Variants in CDAN1 observed in about 807,000 individuals in gnomAD.
CDAN1 encodes codanin 1.
In CDAN1, 107 loss-of-function variants were observed where a neutral mutation model predicts 139.8. The ratio of observed to expected loss-of-function variants is 0.77; its 90% CI spans 0.65 to 0.90. The LOEUF (loss-of-function observed/expected upper bound fraction) is 0.90, where lower values mean the gene tolerates loss of function less well. Ranked by LOEUF, CDAN1 falls within the 40% of genes least tolerant of loss-of-function variation. The pLI is 0.00. For synonymous variants in CDAN1, 776 were observed against 660.6 expected, an observed-to-expected ratio of 1.17 and a Z score of -2.68; for missense variants, 1,667 against 1,575.7, an observed-to-expected ratio of 1.06 and a Z score of -0.98.
Position 42,725,404 on chromosome 15 carries a change from G to A in CDAN1, c.3450+85C>T, listed in dbSNP as rs2061511134. 3 of 1,547,420 alleles carry A rather than the reference G, an allele frequency of 1.9e-6. 1 individual carries two copies. The South Asian group carries it at 3.4e-5, about 17-fold the overall frequency. On this transcript the variant is annotated intron_variant, in intron 26 of 27. Coordinates refer to ENST00000356231, the MANE Select transcript of CDAN1 (RefSeq NM_138477.4). ...TGTGGAACAGGAAGGGGAAATAAAG[G>A]ATGCAGAGCAGCTCATAGTTTGGGG...
At chr15:42,731,557 T>C in intron 11 of CDAN1, 63 bp downstream of exon 11, 1 of 1,570,112 alleles carries the variant, frequency 6.4e-7, no homozygotes, top group Non-Finnish European at 8.8e-7. Flanking sequence ...CTATTTACCC[T>C]TTTGGGAAGC....
rs2061590005 is a variant in CDAN1 at position 42,730,183 on chromosome 15, T to A, written c.2207A>T (p.Lys736Met). The A allele has an allele frequency of 6.2e-7, 1 of 1,614,034 alleles. No homozygotes were observed. The highest frequency in any genetic ancestry group is 8.5e-7 in the Non-Finnish European group (1 of 1,180,032). The change falls in exon 15 of 28, where the codon AAG becomes ATG. Residue 736 changes from lysine to methionine, a missense_variant. By Grantham distance (95) the Lys-to-Met change is moderately conservative (BLOSUM62 -1). Around this residue, in one of 3 missense-constraint regions of CDAN1, gnomAD observed 936 missense variants for 844.1 expected, o/e 1.11. Coordinates refer to ENST00000356231, the MANE Select transcript of CDAN1 (RefSeq NM_138477.4). Reference protein sequence around the residue: ...SLVLSQESEGKMCFLNKLLLL... With the variant: ...SLVLSQESEGMMCFLNKLLLL... ...CAGCAGCTTGTTCAGGAAACACATCTTCCCCTCACTCTCCTGCGACAACAC... is the reference window on the plus strand; with the variant it reads ...CAGCAGCTTGTTCAGGAAACACATCATCCCCTCACTCTCCTGCGACAACAC...
rs568195098 is a variant in CDAN1, at chr15:42,733,006, G to C, written c.1457+91C>G. ...AACAGCTAATGGCTGGTAGGAGCGGGGAAAACCTTCCCTCCTCCTCCCTCC... is the reference window on the plus strand; with the variant it reads ...AACAGCTAATGGCTGGTAGGAGCGGCGAAAACCTTCCCTCCTCCTCCCTCC... On this transcript the variant is annotated intron_variant, in intron 9 of 27. Transcript: ENST00000356231. The C allele has an allele frequency of 1.3e-3, 1,320 of 1,022,330 alleles. 2 individuals are homozygous for C. The highest frequency in any genetic ancestry group is 1.7e-3 in the Non-Finnish European group (1,136 of 676,242). The allele number at this position is 1,022,330 out of a possible 1,614,324, so 63.3% of individuals were successfully genotyped here.
At chr15:42,727,339 C>T (rs2061542113) in intron 23 of CDAN1, 2 of 381,840 alleles carry the variant, frequency 5.2e-6, no homozygotes, top group African/African-American at 2.1e-5. Context: ...TTCACCACCG[C>T]ACTCTCATCA....
At chr15:42,726,560 A>T in intron 23 of CDAN1, 143 bp from the exon 24 acceptor site, 1 of 664,694 alleles carries the variant, frequency 1.5e-6, no homozygotes, top group South Asian at 1.7e-5. Context: ...TTGCCCCTAG[A>T]CCTGGGACTT....
In CDAN1 at chr15:42,730,403, G is replaced by C. The variant is rs185398959; in HGVS notation, c.2175-188C>G. Among the ~76,000 whole-genome samples the C allele has an allele frequency of 2.9e-3, 448 of 152,344 alleles. 1 individual carries two copies. The highest frequency in any genetic ancestry group is 4.1e-3 in the South Asian group (20 of 4,828). On this transcript the variant is annotated intron_variant, in intron 14 of 27. Transcript: ENST00000356231. Reference sequence around the variant, plus strand: ...TCTCAGCGGGGCCACCTCAGGAACAGCATGAGGCCAATGAAAGTGCAGATG... The same window carrying C: ...TCTCAGCGGGGCCACCTCAGGAACACCATGAGGCCAATGAAAGTGCAGATG...
rs752878588 is a variant in CDAN1 at position 42,735,325 on chromosome 15, G to A, written c.993C>T (p.Leu331=). Residue 331 remains leucine (L), a synonymous_variant, in exon 5 of 28, where the codon CTC becomes CTT. Coordinates refer to ENST00000356231, the MANE Select transcript of CDAN1 (RefSeq NM_138477.4). The part of the protein sequence containing the change: ...LFLELFFVFQ[L]LTARRMVTAK... ...CAGTCACCATCCTCCGGGCAGTGAGGAGCTGAAAGACGAAGAAAAGCTCCA... is the reference window on the plus strand; with the variant it reads ...CAGTCACCATCCTCCGGGCAGTGAGAAGCTGAAAGACGAAGAAAAGCTCCA... 2.5e-6 allele frequency: 4 copies of A among 1,610,322 alleles called. No individual in the cohort carries two copies. The East Asian group carries it at 6.7e-5, about 27-fold the overall frequency.
chr15:42,724,702 C>T, intron 27 of CDAN1, 86 bp from the exon 28 acceptor site: 1 of 1,491,468 alleles, frequency 6.7e-7, no homozygotes, highest in Non-Finnish European at 9.1e-7. Context: ...CACAACCTGG[C>T]TGGCTATATT....
In CDAN1 at chr15:42,731,654, C is replaced by G. The variant is rs201079951; in HGVS notation, c.1705G>C (p.Gly569Arg). 6.4e-4 allele frequency: 1,039 copies of G among 1,614,046 alleles called. 1 individual carries two copies. The highest frequency in any genetic ancestry group is 7.9e-4 in the Non-Finnish European group (937 of 1,180,022). The change falls in exon 11 of 28, where the codon GGC becomes CGC. Residue 569 changes from glycine (G) to arginine (R), a missense_variant. Physicochemically the swap from Gly to Arg is moderately radical, Grantham distance 125 (BLOSUM62 -2). Coordinates refer to ENST00000356231, the MANE Select transcript of CDAN1 (RefSeq NM_138477.4). ...CTAAGGATGAAGTCCCTAAAGAAGCCTTGACAGCCTGGGAAGGTGGGGGGT... is the reference window on the plus strand; with the variant it reads ...CTAAGGATGAAGTCCCTAAAGAAGCGTTGACAGCCTGGGAAGGTGGGGGGT... ...CPPPTFPGCQ[G>R]FFRDFILSAS... is the part of the protein sequence containing the mutation.
Position 42,737,096 on chromosome 15 carries a change from C to T in CDAN1, c.7G>A (p.Ala3Thr), listed in dbSNP as rs1448534733. Residue 3 changes from alanine (A) to threonine (T), a missense_variant, in exon 1 of 28, where the codon GCC becomes ACC. Ala to Thr is a moderately conservative substitution (Grantham distance 58). Coordinates refer to ENST00000356231, the MANE Select transcript of CDAN1 (RefSeq NM_138477.4). The part of the protein sequence containing the change: MA[A>T]VLESLLREEV... ...TCTCGCAGCAGCGACTCCAAAACGG[C>T]CGCCATCCCGGTCGGGGCGCTCTGG... The T allele has an allele frequency of 1.3e-6, 2 of 1,517,060 alleles. No homozygotes were observed. The highest frequency in any genetic ancestry group is 1.4e-5 in the African/African-American group (1 of 70,398). The allele number at this position is 1,517,060 out of a possible 1,614,324, so 94.0% of individuals were successfully genotyped here. A position where few individuals can be genotyped will look rare whatever the true frequency, so the allele number is the denominator to read the frequency against.
Position 42,732,260 on chromosome 15 carries a change from A to G in CDAN1, c.1533+73T>C, listed in dbSNP as rs568257766. 163 of 1,405,148 alleles carry G rather than the reference A, an allele frequency of 1.2e-4. No homozygotes were observed. The African/African-American group carries it at 2.0e-3, about 18-fold the overall frequency. 87.0% of individuals were successfully genotyped at this position (1,405,148 alleles called of 1,614,324 possible). A position where few individuals can be genotyped will look rare whatever the true frequency, so the allele number is the denominator to read the frequency against. ...CTGCCAGGCTGTCTGCCCTATCCCAAAGTGCAGCCGTTAAGTGGCTGCCTG... is the reference window on the plus strand; with the variant it reads ...CTGCCAGGCTGTCTGCCCTATCCCAGAGTGCAGCCGTTAAGTGGCTGCCTG... On this transcript the variant is annotated intron_variant, in intron 10 of 27. Coordinates refer to ENST00000356231, the MANE Select transcript of CDAN1 (RefSeq NM_138477.4).
At chr15:42,729,002 G>A in intron 19 of CDAN1, 21 bp downstream of exon 19, 1 of 1,610,204 alleles carries the variant, frequency 6.2e-7, no homozygotes, top group Non-Finnish European at 8.5e-7. Flanking sequence ...GATGAGACCA[G>A]GATCCTTAAC....
At position 42,736,054 on chromosome 15, in the gene CDAN1, G is replaced by T; in HGVS notation, c.594C>A (p.Asn198Lys). 1 of 1,614,182 alleles carries T rather than the reference G, an allele frequency of 6.2e-7. No homozygotes were observed. Among genetic ancestry groups the T allele is most frequent in the South Asian group, 1.1e-5 (1 of 91,080 alleles). Residue 198 changes from asparagine to lysine, a missense_variant, in exon 3 of 28, where the codon AAC (asparagine) becomes AAA (lysine). By Grantham distance (94) the Asn-to-Lys change is moderately conservative. Coordinates refer to ENST00000356231, the MANE Select transcript of CDAN1 (RefSeq NM_138477.4). Reference protein sequence around the residue: ...PTGTKPSRRINPTPVSEERSL... With the variant: ...PTGTKPSRRIKPTPVSEERSL... ...ACCGCTCTTCGCTCACCGGAGTTGG[G>T]TTGATCCTGCGAGAAGGCTTCGTCC...
intron 17 of CDAN1, 58 bp downstream of exon 17, chr15:42,729,510 C>T: frequency 6.2e-7 from 1 of 1,611,468 alleles, no homozygotes; most frequent in East Asian, 2.2e-5. Flanking sequence ...AAGGGGGTGC[C>T]TTTTGGGTAC....
In CDAN1 at chr15:42,730,634, T is replaced by G. The variant is rs1329427481; in HGVS notation, c.2138A>C (p.Tyr713Ser). 2 of 1,614,156 alleles carry G rather than the reference T, an allele frequency of 1.2e-6. No homozygotes were observed. The highest frequency in any genetic ancestry group is 3.3e-5 in the Admixed American group (2 of 60,026). The change falls in exon 14 of 28, where the codon TAC becomes TCC. Residue 713 changes from tyrosine (Y) to serine (S), a missense_variant. By Grantham distance (144) the Tyr-to-Ser change is moderately radical. This residue lies in a region of CDAN1 where 936 missense variants were observed against 844.1 expected (regional missense o/e 1.11). Transcript: ENST00000356231. ...CAGCAGGAGAGTGAAGATGTCCCGGTAATATTCCAGCAAGGGAACAACATG... is the reference window on the plus strand; with the variant it reads ...CAGCAGGAGAGTGAAGATGTCCCGGGAATATTCCAGCAAGGGAACAACATG... ...ADHVVPLLEYYRDIFTLLLRL... is the reference protein window; with the variant it reads ...ADHVVPLLEYSRDIFTLLLRL...
In CDAN1 at chr15:42,729,375, A is replaced by G; in HGVS notation, c.2408-13T>C. On this transcript the variant is annotated splice_polypyrimidine_tract_variant and intron_variant, in intron 17 of 27. Transcript: ENST00000356231. ...TTCCGGAGCTCTCCTGTATCAGTGA[A>G]GTCCAAGTTCTCAGTTCCAGAACCC... 2 of 1,614,128 alleles carry G rather than the reference A, an allele frequency of 1.2e-6. No homozygotes were observed. The highest frequency in any genetic ancestry group is 8.5e-7 in the Non-Finnish European group (1 of 1,179,984).
In CDAN1 at chr15:42,728,920, A is replaced by G. The variant is rs577917690; in HGVS notation, c.2645+103T>C. On this transcript the variant is annotated intron_variant, in intron 19 of 27. Coordinates refer to ENST00000356231, the MANE Select transcript of CDAN1 (RefSeq NM_138477.4). ...TGCTTCAAAATGTGTCAGCCATTTC[A>G]GCCCCACACCCACCCTCTGGCTGAC... 112 of 1,579,880 alleles carry G rather than the reference A, an allele frequency of 7.1e-5. 2 individuals carry two copies. In the South Asian group the frequency reaches 1.2e-3, roughly 16 times the overall value.
chr15:42,730,563 ATCCTT>A (rs1255368902), intron 14 of CDAN1, 30 bp downstream of exon 14: 2 of 1,612,302 alleles, frequency 1.2e-6, no homozygotes, highest in African/African-American at 2.7e-5. Flanking sequence ...CGAGTCCCGA[ATCCTT>A]TCATCAAGCC....
rs1425941221 is a variant in CDAN1, at chr15:42,735,490, C to T, written c.943+20G>A. On this transcript the variant is annotated intron_variant, in intron 4 of 27. Coordinates refer to ENST00000356231, the MANE Select transcript of CDAN1 (RefSeq NM_138477.4). ...AGTTCTACAAGTGTCTCCACTCCCG[C>T]TCCCTCCGCTCTCACTCACCAGCAA... is the stretch of plus-strand genomic sequence containing the variant. 3 of 1,614,140 alleles carry T rather than the reference C, an allele frequency of 1.9e-6. No individual in the cohort carries two copies. The highest frequency in any genetic ancestry group is 2.5e-6 in the Non-Finnish European group (3 of 1,179,976).
Sources: allele counts gnomAD v4.1 joint callset (sites outside exome capture counted in the v4.1 genomes callset), GRCh38; gene constraint gnomAD v4.1.1; regional missense constraint gnomAD v4.1.1; transcripts MANE v1.5; gene names NCBI Gene and HGNC (gene_info 2026-07-23, HGNC 2026-07-21).